The following NALF1 variants were observed in gnomAD, a reference collection of about 807,000 sequenced individuals.
The protein encoded by NALF1 is NALCN channel auxiliary factor 1.
NALF1 carries 3 observed loss-of-function variants against 48.4 expected under a neutral mutation model. The ratio of observed to expected loss-of-function variants is 0.06; its 90% confidence interval spans 0.03 to 0.16. The LOEUF is 0.16. Ranked by LOEUF, NALF1 falls within the 10% of genes least tolerant of loss-of-function variation. The probability of loss-of-function intolerance (pLI) is 1.00; values close to 1 mark genes in which losing one functional copy is unlikely to be tolerated. For synonymous variants in NALF1, 262 were observed against 245.7 expected (o/e 1.07, Z -0.62); for missense variants, 526 against 571.5 (o/e 0.92, Z 0.81).
At chr13:107,500,280 T>A (rs946779000) in intron 1 of NALF1, among the ~76,000 whole-genome samples, 10 of 151,356 alleles carry the variant, frequency 6.6e-5, no homozygotes, top group Non-Finnish European at 1.2e-4. Context: ...AGAATAGAAA[T>A]TTTTTTTTAA....
At chr13:107,268,824 T>G (rs1236066983) in intron 1 of NALF1, among the ~76,000 whole-genome samples, 3 of 152,122 alleles carry the variant, frequency 2.0e-5, no homozygotes, top group Non-Finnish European at 4.4e-5. Flanking sequence ...TTGCCAAATG[T>G]AGGGAGAACA....
At chr13:107,799,908 G>A (rs1445197903) in intron 1 of NALF1, among the ~76,000 whole-genome samples, 1 of 152,084 alleles carries the variant, frequency 6.6e-6, no homozygotes, top group African/African-American at 2.4e-5. Context: ...ACTAATTACT[G>A]TAGAGAAACA....
chr13:107,299,256 G>A (rs1433647863), intron 1 of NALF1, among the ~76,000 whole-genome samples: 4 of 151,780 alleles, frequency 2.6e-5, no homozygotes, highest in Admixed American at 6.6e-5. Flanking sequence ...CTTTGATCAT[G>A]GACGTCTCTA....
chr13:107,463,989 G>T (rs1884959200), intron 1 of NALF1, among the ~76,000 whole-genome samples: 1 of 152,028 alleles, frequency 6.6e-6, no homozygotes, highest in South Asian at 2.1e-4. Context: ...AAGAATGAAG[G>T]GCTATCCACA....
At chr13:107,818,871 C>CAAAAAAAAAAAAAAAAAAAAAAA (rs774372636) in intron 1 of NALF1, among the ~76,000 whole-genome samples, 2 of 73,818 alleles carry the variant, frequency 2.7e-5, no homozygotes, top group East Asian at 3.6e-4. Flanking sequence ...GACTCCGTCT[C>CAAAAAAAAAAAAAAAAAAAAAAA]AAAAAAAAAA....
At chr13:107,523,409 A>G (rs1566376486) in intron 1 of NALF1, among the ~76,000 whole-genome samples, 1 of 152,080 alleles carries the variant, frequency 6.6e-6, no homozygotes, top group Non-Finnish European at 1.5e-5. Context: ...TTTAGGGTAC[A>G]TGTGCACAAC....
intron 1 of NALF1, among the ~76,000 whole-genome samples, chr13:107,794,392 G>T (rs1225389540): frequency 2.6e-5 from 4 of 151,236 alleles, no homozygotes; most frequent in Non-Finnish European, 4.4e-5. Flanking sequence ...CTCAGCCCTT[G>T]AACTGGAAAG....
intron 1 of NALF1, among the ~76,000 whole-genome samples, chr13:107,548,261 C>T (rs755659483): frequency 1.3e-5 from 2 of 152,054 alleles, no homozygotes; most frequent in East Asian, 1.9e-4. Context: ...CTAAGGACCA[C>T]GGCCTCCAGC....
chr13:107,687,804 C>T (rs1267402841), intron 1 of NALF1, among the ~76,000 whole-genome samples: 1 of 152,118 alleles, frequency 6.6e-6, no homozygotes, highest in African/African-American at 2.4e-5. Context: ...TTGTCAATTG[C>T]ACTAGCCATA....
intron 2 of NALF1, among the ~76,000 whole-genome samples, chr13:107,204,470 A>T (rs1248803722): frequency 6.6e-6 from 1 of 152,174 alleles, no homozygotes; most frequent in Non-Finnish European, 1.5e-5. Flanking sequence ...CTACTGGCAG[A>T]ATCCAGACAT....
intron 1 of NALF1, among the ~76,000 whole-genome samples, chr13:107,471,894 G>C (rs994073596): frequency 2.0e-5 from 3 of 152,148 alleles, no homozygotes; most frequent in African/African-American, 7.2e-5. Flanking sequence ...GAAAAAGAGA[G>C]GAATATGTTT....
At chr13:107,287,186 C>T (rs775994075) in intron 1 of NALF1, among the ~76,000 whole-genome samples, 4 of 152,158 alleles carry the variant, frequency 2.6e-5, no homozygotes, top group Non-Finnish European at 4.4e-5. Flanking sequence ...GTAACCAGAA[C>T]CTTCACACCG....
At chr13:107,535,385 C>T (rs1416856234) in intron 1 of NALF1, among the ~76,000 whole-genome samples, 1 of 152,086 alleles carries the variant, frequency 6.6e-6, no homozygotes, top group Non-Finnish European at 1.5e-5. Flanking sequence ...GAGTTTTTAG[C>T]ATGAAGGGCT....
At chr13:107,524,753 G>C (rs1039913901) in intron 1 of NALF1, among the ~76,000 whole-genome samples, 8 of 152,012 alleles carry the variant, frequency 5.3e-5, no homozygotes, top group Admixed American at 5.2e-4. Context: ...AAGTTTACTC[G>C]ACCTTGGCAA....
intron 1 of NALF1, among the ~76,000 whole-genome samples, chr13:107,709,765 T>C (rs1875509888): frequency 6.6e-6 from 1 of 152,174 alleles, no homozygotes; most frequent in African/African-American, 2.4e-5. Context: ...ACAAACCTTT[T>C]CCCACACAAT....
intron 1 of NALF1, among the ~76,000 whole-genome samples, chr13:107,542,869 G>C (rs1198621561): frequency 6.6e-6 from 1 of 151,962 alleles, no homozygotes; most frequent in African/African-American, 2.4e-5. Context: ...TTTAAGTCAT[G>C]TTTCCAAAAC....
chr13:107,602,418 T>TG (rs943428219), intron 1 of NALF1, among the ~76,000 whole-genome samples: 23 of 152,300 alleles, frequency 1.5e-4, no homozygotes, highest in African/African-American at 5.5e-4. Flanking sequence ...ACCCCTACTT[T>TG]GGGGTCCTTG....
At chr13:107,285,881 G>C (rs1462414694) in intron 1 of NALF1, among the ~76,000 whole-genome samples, 4 of 152,032 alleles carry the variant, frequency 2.6e-5, no homozygotes. Context: ...AAAAAGTAAA[G>C]ATAAGTGCAC....
At chr13:107,784,405 A>C (rs1449674581) in intron 1 of NALF1, among the ~76,000 whole-genome samples, 1 of 152,170 alleles carries the variant, frequency 6.6e-6, no homozygotes, top group Non-Finnish European at 1.5e-5. Context: ...TTTTCCTAGT[A>C]AATTATTCAC....
Sources: allele counts gnomAD v4.1 joint callset (sites outside exome capture counted in the v4.1 genomes callset), GRCh38; gene constraint gnomAD v4.1.1; transcripts MANE v1.5; gene names NCBI Gene and HGNC (gene_info 2026-07-23, HGNC 2026-07-21).